The following DLL1 variants were observed in gnomAD, a reference collection of about 807,000 sequenced individuals.
DLL1 encodes delta like canonical Notch ligand 1, also known as delta-like protein 1.
DLL1 carries 9 observed loss-of-function variants against 75.1 expected under a neutral mutation model. The ratio of observed to expected loss-of-function variants is 0.12; its 90% CI spans 0.07 to 0.21. The LOEUF (loss-of-function observed/expected upper bound fraction) is 0.21. Ranked by LOEUF, DLL1 falls within the 10% of genes least tolerant of loss-of-function variation. The probability of loss-of-function intolerance (pLI) is 1.00; values close to 1 mark genes in which losing one functional copy is unlikely to be tolerated. For missense variants in DLL1, 837 were observed against 1,007.6 expected, an observed-to-expected ratio of 0.83 and a Z score of 2.29; for synonymous variants, 477 against 418.3, an observed-to-expected ratio of 1.14 and a Z score of -1.71.
intron 10 of DLL1, 38 bp from the exon 11 acceptor site, chr6:170,282,917 A>G (rs1490521965): frequency 6.2e-7 from 1 of 1,614,068 alleles, no homozygotes; most frequent in Non-Finnish European, 8.5e-7. Context: ...TTAGCCTGAG[A>G]CCGATTCCCG....
chr6:170,290,549 C>A lies in DLL1; in HGVS notation c.-410G>T. 1 of 244,656 alleles carries A rather than the reference C, an allele frequency of 4.1e-6. No homozygotes were observed. Among genetic ancestry groups the A allele is most frequent in the South Asian group, 8.6e-5 (1 of 11,612 alleles). 15.2% of individuals were successfully genotyped at this position (244,656 alleles called of 1,614,324 possible). On this transcript the variant is annotated 5_prime_UTR_variant, in exon 1 of 11. Coordinates refer to ENST00000366756, the MANE Select transcript of DLL1 (RefSeq NM_005618.4). The surrounding 1 kb of genome is among the most constrained non-coding windows in gnomAD (Gnocchi z 4.7). ...GAGTCCAGAGATTGAGCTTAATTCC[C>A]AAGAGAGCTGCAGAGCTTCCTCCCG...
rs1783845771 is a variant in DLL1 at position 170,290,810 on chromosome 6, AC to A, written c.-672del. ...GAATCCAGCCAATGCCATCCAGTAC[AC>A]ACGCGCAGGACCGGAGGGGCCGGGC... On this transcript the variant is annotated 5_prime_UTR_variant, in exon 1 of 11. Transcript: ENST00000366756. This position sits in a 1 kb window ranked among gnomAD's most constrained non-coding sequence, Gnocchi z 4.7. The A allele has an allele frequency of 1.7e-6, 1 of 600,972 alleles. No individual in the cohort carries two copies. Among genetic ancestry groups the A allele is most frequent in the Non-Finnish European group, 3.0e-6 (1 of 337,692 alleles). 37.2% of individuals were successfully genotyped at this position (600,972 alleles called of 1,614,324 possible).
At chr6:170,289,064 A>C in intron 2 of DLL1, 11 of 578,534 alleles carry the variant, frequency 1.9e-5, no homozygotes, top group East Asian at 3.0e-5. Flanking sequence ...GAGAGAGAGA[A>C]TGCAGGCAGG....
intron 1 of DLL1, 30 bp from the exon 2 acceptor site, chr6:170,289,838 C>G: frequency 3.9e-6 from 6 of 1,546,114 alleles, no homozygotes; most frequent in African/African-American, 1.4e-5. Flanking sequence ...GGCGTGAGGA[C>G]GCGGGTCCCG....
rs143742416 is a variant in DLL1, at chr6:170,286,802, TACACACACAC to T, written c.671-514_671-505del. On this transcript the variant is annotated intron_variant, in intron 4 of 10. Transcript: ENST00000366756. ...CCTCCTCACACACACCCCTCGCGTG[TACACACACAC>T]ACACACACACACACGCACACGCACC... Among the ~76,000 whole-genome samples the T allele has an allele frequency of 5.4e-5, 8 of 149,124 alleles. No individual in the cohort carries two copies. In the East Asian group the frequency reaches 1.6e-3, roughly 30 times the overall value.
chr6:170,286,109 G>T (rs1783689670), intron 5 of DLL1, 129 bp downstream of exon 5: 1 of 1,128,886 alleles, frequency 8.9e-7, no homozygotes, highest in African/African-American at 1.5e-5. Flanking sequence ...TGAGAAAACG[G>T]CCCCCTGTTC....
chr6:170,284,167 C>T (rs1783643334), intron 8 of DLL1, 138 bp from the exon 9 acceptor site: 11 of 1,124,538 alleles, frequency 9.8e-6, no homozygotes, highest in South Asian at 5.4e-5. Context: ...GAGTCCACAG[C>T]GCAAGGTGAC....
chr6:170,283,089 T>C lies in DLL1; in HGVS notation c.2065A>G (p.Arg689Gly). The change falls in exon 10 of 11, where the codon AGA becomes GGA. Residue 689 changes from arginine to glycine, a missense_variant. Arg to Gly is a moderately radical substitution (Grantham distance 125, BLOSUM62 -2). Around this residue, in one of 2 missense-constraint regions of DLL1, gnomAD observed 533 missense variants for 545.7 expected, o/e 0.98. Coordinates refer to ENST00000366756, the MANE Select transcript of DLL1 (RefSeq NM_005618.4). The stretch of plus-strand genomic sequence containing the variant: ...GAACAGCCCGAGTCCGGCCTTTTTC[T>C]TTCAGATGCTTCTCCACTAAAAGGA... ...TTLRGGEASE[R>G]KRPDSGCSTS... 6.2e-7 allele frequency: 1 copy of C among 1,614,130 alleles called. No homozygotes were observed. Among genetic ancestry groups the C allele is most frequent in the Admixed American group, 1.7e-5 (1 of 60,032 alleles).
Position 170,285,381 on chromosome 6 carries a change from G to T in DLL1, c.905C>A (p.Ala302Asp), listed in dbSNP as rs1158697436. Residue 302 changes from alanine (A) to aspartate (D), a missense_variant, in exon 7 of 11, where the codon GCC (alanine) becomes GAC (aspartate). Around this residue, in one of 2 missense-constraint regions of DLL1, gnomAD observed 304 missense variants for 461.9 expected, o/e 0.66. Coordinates refer to ENST00000366756, the MANE Select transcript of DLL1 (RefSeq NM_005618.4). ...CTHHKPCKNG[A>D]TCTNTGQGSY... ...CCCCTGGCCCGTGTTGGTGCAGGTG[G>T]CTCCATTCTTGCAGGGCTTATGGTG... The T allele has an allele frequency of 6.2e-7, 1 of 1,614,230 alleles. No homozygotes were observed.
rs1270486051 is a variant in DLL1, at chr6:170,284,931, G to C, written c.1237C>G (p.Pro413Ala). ...GCTGCCCCCTTACCATTAGAACAGGGTGAAGAGCTGCAGTAGTCAATTTTC... is the reference window on the plus strand; with the variant it reads ...GCTGCCCCCTTACCATTAGAACAGGCTGAAGAGCTGCAGTAGTCAATTTTC... ...EKKIDYCSSS[P>A]CSNGAKCVDL... Residue 413 changes from proline to alanine, a missense_variant, in exon 8 of 11, where the codon CCC (proline) becomes GCC (alanine). Pro to Ala is a conservative substitution (Grantham distance 27). This residue lies in a region of DLL1 where 533 missense variants were observed against 545.7 expected (regional missense o/e 0.98). Coordinates refer to ENST00000366756, the MANE Select transcript of DLL1 (RefSeq NM_005618.4). The C allele has an allele frequency of 6.2e-7, 1 of 1,613,940 alleles. No homozygotes were observed.
rs1562495727 is a variant in DLL1, at chr6:170,285,109, G to A, written c.1059C>T (p.Thr353=). The A allele has an allele frequency of 1.9e-6, 3 of 1,612,630 alleles. No homozygotes were observed. Among genetic ancestry groups the A allele is most frequent in the Non-Finnish European group, 2.5e-6 (3 of 1,179,538 alleles). The change falls in exon 8 of 11, where the codon ACC becomes ACT. Residue 353 remains threonine, a synonymous_variant. Transcript: ENST00000366756. ...CTDLENSYSC[T]CPPGFYGKIC... is the part of the protein sequence containing the mutation. ...TTTTGCCGTAGAAGCCGGGTGGGCA[G>A]GTACAGGAGTAGCTGTTCTCGAGAT...
At chr6:170,285,471 C>G in intron 6 of DLL1, 48 bp from the exon 7 acceptor site, 2 of 1,614,158 alleles carry the variant, frequency 1.2e-6, no homozygotes, top group South Asian at 1.1e-5. Flanking sequence ...AGCTCGACAT[C>G]AAATGCAGGA....
Position 170,285,129 on chromosome 6 carries a change from C to T in DLL1, c.1039G>A (p.Glu347Lys), listed in dbSNP as rs752173329. 1.1e-5 allele frequency: 17 copies of T among 1,613,862 alleles called. No homozygotes were observed. The highest frequency in any genetic ancestry group is 7.7e-5 in the South Asian group (7 of 91,092). ...GGGCAGGTACAGGAGTAGCTGTTCT[C>T]GAGATCCTACACGATGGAGAGGTCA... ...CKNGGSCTDL[E>K]NSYSCTCPPG... The change falls in exon 8 of 11, where the codon GAG becomes AAG. Residue 347 changes from glutamate to lysine, a missense_variant. This residue lies in a region of DLL1 where 533 missense variants were observed against 545.7 expected (regional missense o/e 0.98). Coordinates refer to ENST00000366756, the MANE Select transcript of DLL1 (RefSeq NM_005618.4).
At position 170,289,441 on chromosome 6, in the gene DLL1, C is replaced by T. The variant is rs1011225217; in HGVS notation, c.351+71G>A. The T allele has an allele frequency of 3.9e-6, 6 of 1,519,480 alleles. No homozygotes were observed. The African/African-American group carries it at 8.5e-5, about 22-fold the overall frequency. The allele number at this position is 1,519,480 out of a possible 1,614,324, so 94.1% of individuals were successfully genotyped here. A position where few individuals can be genotyped will look rare whatever the true frequency, so the allele number is the denominator to read the frequency against. On this transcript the variant is annotated intron_variant, in intron 2 of 10. Coordinates refer to ENST00000366756, the MANE Select transcript of DLL1 (RefSeq NM_005618.4). ...AGGTCCCGCCACCGAGCGCCCAAGG[C>T]GGGATCCCAGCGCGTCCTGCAGCCC...
At position 170,291,076 on chromosome 6, in the gene DLL1, A is replaced by C. The variant is rs1386359541; in HGVS notation, c.-937T>G. The C allele has an allele frequency of 2.9e-6, 2 of 700,836 alleles. No homozygotes were observed. Among genetic ancestry groups the C allele is most frequent in the East Asian group, 5.4e-5 (2 of 37,192 alleles). The allele number at this position is 700,836 out of a possible 1,614,324, so 43.4% of individuals were successfully genotyped here. On this transcript the variant is annotated 5_prime_UTR_variant, in exon 1 of 11. Transcript: ENST00000366756. ...CCTCTCAATGGATCGCCAAATGGTC[A>C]GTGAGCTGTAAAATGTGCAACCCTC...
In DLL1 at chr6:170,289,509, C is replaced by T; in HGVS notation, c.351+3G>A. On this transcript the variant is annotated splice_donor_region_variant and intron_variant, in intron 2 of 10. Transcript: ENST00000366756. ...GCCCGGCGCGCGCAGGTGCGGCACT[C>T]ACCGGCCAGGTGAAGCCGAAGGGGA... 6.5e-7 allele frequency: 1 copy of T among 1,534,118 alleles called. No individual in the cohort carries two copies. The highest frequency in any genetic ancestry group is 8.7e-7 in the Non-Finnish European group (1 of 1,146,016).
Position 170,284,897 on chromosome 6 carries a change from C to A in DLL1, c.1249+22G>T, listed in dbSNP as rs367960918. 4 of 1,611,744 alleles carry A rather than the reference C, an allele frequency of 2.5e-6. No homozygotes were observed. The Admixed American group carries it at 6.7e-5, about 27-fold the overall frequency. On this transcript the variant is annotated intron_variant, in intron 8 of 10. Transcript: ENST00000366756. ...TTGACCGCTCGCCCGAGTCTCTGAGCAATCACCAGCTGCCCCCTTACCATT... is the reference window on the plus strand; with the variant it reads ...TTGACCGCTCGCCCGAGTCTCTGAGAAATCACCAGCTGCCCCCTTACCATT...
chr6:170,283,856 C>A lies in DLL1; in HGVS notation c.1423G>T (p.Gly475Cys). The A allele has an allele frequency of 6.2e-7, 1 of 1,605,568 alleles. No homozygotes were observed. Among genetic ancestry groups the A allele is most frequent in the Non-Finnish European group, 8.5e-7 (1 of 1,178,804 alleles). ...FSCTCPPGYT[G>C]RNCSAPVSRC... ...CTGACGGGGGCACTGCAGTTCCTGC[C>A]CGTGTAGCCAGGCGGGCAGGTGCAG... Residue 475 changes from glycine to cysteine, a missense_variant, in exon 9 of 11, where the codon GGC (glycine) becomes TGC (cysteine). Gly to Cys is a radical substitution (Grantham distance 159, BLOSUM62 -3). Transcript: ENST00000366756.
Position 170,290,654 on chromosome 6 carries a change from G to A in DLL1, c.-515C>T. ...GCCAGCGGCGCGCGCTGAGGGGACGGTCGGCGGCGGCGGGTGTGCGCGGCG... is the reference window on the plus strand; with the variant it reads ...GCCAGCGGCGCGCGCTGAGGGGACGATCGGCGGCGGCGGGTGTGCGCGGCG... On this transcript the variant is annotated 5_prime_UTR_variant, in exon 1 of 11. Coordinates refer to ENST00000366756, the MANE Select transcript of DLL1 (RefSeq NM_005618.4). This position sits in a 1 kb window ranked among gnomAD's most constrained non-coding sequence, Gnocchi z 4.7. The A allele has an allele frequency of 3.6e-6, 1 of 281,240 alleles. No homozygotes were observed. Among genetic ancestry groups the A allele is most frequent in the Non-Finnish European group, 6.6e-6 (1 of 151,366 alleles). 17.4% of individuals were successfully genotyped at this position (281,240 alleles called of 1,614,324 possible).
Sources: gnomAD v4.1 joint callset for allele counts (sites outside exome capture counted in the v4.1 genomes callset) on GRCh38, gnomAD v4.1.1 for gene constraint, gnomAD v4.1.1 regional missense constraint, Gnocchi (gnomAD v3.1) non-coding constraint, MANE v1.5 for transcripts, NCBI Gene and HGNC (gene_info 2026-07-23, HGNC 2026-07-21) for gene names.